Variants in CCDC33 observed in about 807,000 individuals in gnomAD.
CCDC33 encodes coiled-coil domain-containing protein 33.
Under a neutral mutation model 91.9 loss-of-function variants are expected in CCDC33, and 94 were observed. That is an observed-to-expected ratio of 1.02 (90% confidence interval 0.87 to 1.21). The LOEUF is 1.21. CCDC33 is among the 50% of genes most tolerant of loss of function. CCDC33 has a pLI of 0.00. For synonymous variants in CCDC33, 396 were observed against 374.5 expected (o/e 1.06, Z -0.66); for missense variants, 940 against 935.5 (o/e 1.00, Z -0.06).
At chr15:74,264,533 G>A (rs568460385) in intron 3 of CCDC33, among the ~76,000 whole-genome samples, 12 of 152,252 alleles carry the variant, frequency 7.9e-5, no homozygotes, top group African/African-American at 2.2e-4. Context: ...CTCACCTCTC[G>A]TTCAACCTTG....
At chr15:74,322,039 A>T (rs1216998076) in intron 11 of CCDC33, among the ~76,000 whole-genome samples, 1 of 152,118 alleles carries the variant, frequency 6.6e-6, no homozygotes, top group Non-Finnish European at 1.5e-5. Flanking sequence ...GCCAGGGCTA[A>T]ATTCTGAAAG....
At chr15:74,302,957 GC>G (rs2059823116) in intron 11 of CCDC33, 1 of 152,438 alleles carries the variant, frequency 6.6e-6, no homozygotes, top group African/African-American at 2.4e-5. Flanking sequence ...GTTCCTGAGT[GC>G]CCTGAGGCTC....
At chr15:74,321,166 G>A (rs930726709) in intron 11 of CCDC33, among the ~76,000 whole-genome samples, 3 of 152,176 alleles carry the variant, frequency 2.0e-5, no homozygotes, top group African/African-American at 4.8e-5. Flanking sequence ...AACTGGAGGA[G>A]GCCAGCATCA....
At position 74,227,336 on chromosome 15, in the gene CCDC33, T is replaced by TAGCCCATTTGCAAGCTGTTCCTC. The variant is rs2074834150; in HGVS notation, c.675+8483_675+8505dup. 2.6e-5 allele frequency among the ~76,000 whole-genome samples: 4 copies of TAGCCCATTTGCAAGCTGTTCCTC among 152,184 alleles called. No homozygotes were observed. In the South Asian group the frequency reaches 8.3e-4, roughly 32 times the overall value. On this transcript the variant is annotated intron_variant, in intron 2 of 2. Transcript: ENST00000635913. ...GACTCACACTTTGCAAGCTGTTCCT[T>TAGCCCATTTGCAAGCTGTTCCTC]AGCCCATTTGCAAGCTGTTCCTCAG...
chr15:74,236,534 CAG>C lies in CCDC33; in HGVS notation c.-185_-184del. 4.7e-6 allele frequency: 2 copies of C among 422,652 alleles called. No individual in the cohort carries two copies. Among genetic ancestry groups the C allele is most frequent in the East Asian group, 3.9e-5 (1 of 25,852 alleles). The allele number at this position is 422,652 out of a possible 1,614,324, so 26.2% of individuals were successfully genotyped here. On this transcript the variant is annotated 5_prime_UTR_variant, in exon 1 of 19. Transcript: ENST00000398814. ...GCCACCCTCCCCCTCCCCCCACATCCAGGCCCCAGGGCTGGTGTGTGGCACCC... is the reference window on the plus strand; with the variant it reads ...GCCACCCTCCCCCTCCCCCCACATCCGCCCCAGGGCTGGTGTGTGGCACCC...
intron 11 of CCDC33, among the ~76,000 whole-genome samples, chr15:74,320,170 C>G (rs548566890): frequency 6.6e-6 from 1 of 152,262 alleles, no homozygotes; most frequent in South Asian, 2.1e-4. Context: ...CTCCCCACTG[C>G]GCTCTGTTCA....
At chr15:74,276,956 GTC>G (rs1433170536) in intron 7 of CCDC33, among the ~76,000 whole-genome samples, 23 of 152,230 alleles carry the variant, frequency 1.5e-4, no homozygotes, top group African/African-American at 4.8e-4. Flanking sequence ...GTGTGTGTCT[GTC>G]TGTCTGTCTG....
At position 74,280,052 on chromosome 15, in the gene CCDC33, A is replaced by G. The variant is rs921019290; in HGVS notation, c.849A>G (p.Glu283=). ...QGRDGATSFS[E]DTALVLEYYS... Reference sequence around the variant, plus strand: ...GAGATGGAGCTACCAGCTTCTCAGAAGACACAGCCCTGGTGCTGGAGTACT... The same window carrying G: ...GAGATGGAGCTACCAGCTTCTCAGAGGACACAGCCCTGGTGCTGGAGTACT... The change falls in exon 8 of 19, where the codon GAA becomes GAG. Residue 283 remains glutamate (E), a synonymous_variant. Coordinates refer to ENST00000398814, the MANE Select transcript of CCDC33 (RefSeq NM_025055.5). 6.2e-7 allele frequency: 1 copy of G among 1,614,136 alleles called. No individual in the cohort carries two copies.
chr15:74,260,577 A>T (rs1352937424), intron 2 of CCDC33, among the ~76,000 whole-genome samples: 1 of 151,816 alleles, frequency 6.6e-6, no homozygotes, highest in African/African-American at 2.4e-5. Flanking sequence ...TCCTTATAAC[A>T]CTCTCTCAGG....
intron 7 of CCDC33, among the ~76,000 whole-genome samples, chr15:74,276,519 C>G (rs1295195228): frequency 6.6e-6 from 1 of 152,206 alleles, no homozygotes; most frequent in African/African-American, 2.4e-5. Context: ...CCTTCCATCC[C>G]CACAGACCCT....
At chr15:74,320,285 A>T (rs1027889803) in intron 11 of CCDC33, among the ~76,000 whole-genome samples, 2 of 152,110 alleles carry the variant, frequency 1.3e-5, no homozygotes, top group African/African-American at 4.8e-5. Flanking sequence ...CCCAGCCCAC[A>T]TGGGCCTCCA....
At chr15:74,216,740 A>G (rs978563009), upstream of CCDC33, among the ~76,000 whole-genome samples, 3 of 149,150 alleles carry the variant, frequency 2.0e-5, no homozygotes, top group African/African-American at 7.4e-5. Flanking sequence ...CAAGTCAAGA[A>G]CTCTTGAGAA....
chr15:74,307,174 T>C (rs1238731299), intron 11 of CCDC33, among the ~76,000 whole-genome samples: 1 of 152,150 alleles, frequency 6.6e-6, no homozygotes, highest in Admixed American at 6.6e-5. Flanking sequence ...GCTTGAATCA[T>C]CGATTGGTGA....
chr15:74,294,814 C>A (rs985103952), intron 10 of CCDC33, among the ~76,000 whole-genome samples: 2 of 152,024 alleles, frequency 1.3e-5, no homozygotes, highest in African/African-American at 4.8e-5. Flanking sequence ...CACAGACAGC[C>A]AACTGCTAGA....
At chr15:74,311,044 A>G (rs79287469) in intron 11 of CCDC33, among the ~76,000 whole-genome samples, 3,795 of 147,820 alleles carry the variant, frequency 0.026, 100 homozygotes, top group South Asian at 0.14. Flanking sequence ...CAGGACCGTG[A>G]TCTGCCTGGA....
rs531875869 is a variant in CCDC33, at chr15:74,254,695, A to G, written c.186-7745A>G. Among the ~76,000 whole-genome samples the G allele has an allele frequency of 2.1e-3, 321 of 150,374 alleles. 1 individual carries two copies. The highest frequency in any genetic ancestry group is 4.1e-3 in the Non-Finnish European group (276 of 67,858). On this transcript the variant is annotated intron_variant, in intron 2 of 18. Transcript: ENST00000398814. ...TTGTCCCAGTACCCTGCGAATGTCA[A>G]TGCTCCTGGCTCAGTCCTTGGCCTC... is the stretch of plus-strand genomic sequence containing the variant.
chr15:74,279,928 G>C (rs764639507), intron 7 of CCDC33, 35 bp from the exon 8 acceptor site: 1 of 1,600,090 alleles, frequency 6.2e-7, no homozygotes, highest in South Asian at 1.1e-5. Flanking sequence ...GAGAAGCTGT[G>C]GCCCCCACCA....
intron 15 of CCDC33, among the ~76,000 whole-genome samples, chr15:74,332,465 A>G (rs2060458949): frequency 6.6e-6 from 1 of 152,188 alleles, no homozygotes; most frequent in Non-Finnish European, 1.5e-5. Flanking sequence ...CACTGAAGAC[A>G]AATGAGGAGT....
At chr15:74,294,746 CA>C (rs57792647) in intron 10 of CCDC33, among the ~76,000 whole-genome samples, 9,644 of 127,294 alleles carry the variant, frequency 0.076, 333 homozygotes, top group East Asian at 0.19. Context: ...GACTCTGTCT[CA>C]AAAAAAAAAA....
Sources: allele counts gnomAD v4.1 joint callset (sites outside exome capture counted in the v4.1 genomes callset), GRCh38; gene constraint gnomAD v4.1.1; transcripts MANE v1.5; gene names NCBI Gene and HGNC (gene_info 2026-07-23, HGNC 2026-07-21).